The following TLCD3A variants were observed in gnomAD, a reference collection of about 807,000 sequenced individuals.
The protein encoded by TLCD3A is TLC domain-containing protein 3A.
In TLCD3A, 17 loss-of-function variants were observed where a neutral mutation model predicts 29.9. The ratio of observed to expected loss-of-function variants is 0.57; its 90% CI spans 0.39 to 0.85. TLCD3A has a LOEUF of 0.85. Ranked by LOEUF, TLCD3A falls within the 40% of genes least tolerant of loss-of-function variation. The pLI is 0.00. For missense variants in TLCD3A, 332 were observed against 350.8 expected (o/e 0.95, Z 0.43); for synonymous variants, 143 against 147.7 (o/e 0.97, Z 0.23).
intron 2 of TLCD3A, among the ~76,000 whole-genome samples, chr17:733,693 C>T (rs1235336641): frequency 6.6e-6 from 1 of 152,208 alleles, no homozygotes; most frequent in African/African-American, 2.4e-5. Context: ...AGTCCAGAGG[C>T]AGGTCAGGAA....
intron 2 of TLCD3A, among the ~76,000 whole-genome samples, chr17:737,513 G>A (rs1244691284): frequency 2.0e-5 from 3 of 151,948 alleles, no homozygotes; most frequent in South Asian, 2.1e-4. Context: ...TGGTGGGGCC[G>A]TTGAATCATT....
At position 742,014 on chromosome 17, in the gene TLCD3A, A is replaced by G. The variant is rs1216473120; in HGVS notation, c.*444A>G. 4.9e-6 allele frequency: 1 copy of G among 203,398 alleles called. No homozygotes were observed. Among genetic ancestry groups the G allele is most frequent in the Non-Finnish European group, 1.0e-5 (1 of 99,242 alleles). The allele number at this position is 203,398 out of a possible 1,614,324, so 12.6% of individuals were successfully genotyped here. ...AGGGATGACTTGGTTCTTGGAAGTA[A>G]TGTCGTCTTGTGACATTGGCCTGGG... On this transcript the variant is annotated 3_prime_UTR_variant, in exon 5 of 5. Transcript: ENST00000308278.
At position 732,792 on chromosome 17, in the gene TLCD3A, C is replaced by G. The variant is rs746053148; in HGVS notation, c.122+23C>G. ...CAGGTACCGGCGCCGCCGAGACGCC[C>G]CCCGAGGCCCGGGGCGCTGCCCACC... On this transcript the variant is annotated intron_variant, in intron 1 of 4. Transcript: ENST00000308278. The G allele has an allele frequency of 5.7e-4, 825 of 1,440,622 alleles. 5 individuals carry two copies. The highest frequency in any genetic ancestry group is 1.2e-4 in the Non-Finnish European group (132 of 1,098,370). The allele number at this position is 1,440,622 out of a possible 1,614,324, so 89.2% of individuals were successfully genotyped here.
intron 3 of TLCD3A, among the ~76,000 whole-genome samples, chr17:739,983 T>C (rs1316577739): frequency 1.3e-5 from 2 of 152,126 alleles, no homozygotes; most frequent in Admixed American, 1.3e-4. Flanking sequence ...GAGGCAGAGG[T>C]TGCAGTGAGC....
Position 741,330 on chromosome 17 carries a change from G to C in TLCD3A, c.534G>C (p.Lys178Asn), listed in dbSNP as rs1310230624. ...AGCAGCAGCACACCCTTCTGTACAA[G>C]GTGAATGGAATCCTCACGCTGGCCA... ...QLKQQHTLLY[K>N]VNGILTLATF... Residue 178 changes from lysine (K) to asparagine (N), a missense_variant, in exon 5 of 5, where the codon AAG (lysine) becomes AAC (asparagine). Lys to Asn is a moderately conservative substitution (Grantham distance 94). Coordinates refer to ENST00000308278, the MANE Select transcript of TLCD3A (RefSeq NM_024792.3). 1 of 1,614,180 alleles carries C rather than the reference G, an allele frequency of 6.2e-7. No homozygotes were observed.
chr17:740,723 G>C, intron 4 of TLCD3A, 123 bp downstream of exon 4: 1 of 1,020,854 alleles, frequency 9.8e-7, no homozygotes, highest in Non-Finnish European at 1.5e-6. Flanking sequence ...GAGAGTGAAG[G>C]TTCTGATTCA....
chr17:741,402 C>A lies in TLCD3A; in HGVS notation c.606C>A (p.Ser202=). 2 of 1,614,230 alleles carry A rather than the reference C, an allele frequency of 1.2e-6. No homozygotes were observed. Among genetic ancestry groups the A allele is most frequent in the South Asian group, 2.2e-5 (2 of 91,090 alleles). The change falls in exon 5 of 5, where the codon TCC becomes TCA. Residue 202 remains serine, a synonymous_variant. Coordinates refer to ENST00000308278, the MANE Select transcript of TLCD3A (RefSeq NM_024792.3). Reference sequence around the variant, plus strand: ...TTCTCTTCCCCTTCATGTACTGGTCCTATGGCCGCCAGCAGGGACTAAGCC... The same window carrying A: ...TTCTCTTCCCCTTCATGTACTGGTCATATGGCCGCCAGCAGGGACTAAGCC... ...RILLFPFMYW[S]YGRQQGLSLL...
chr17:738,725 A>G (rs941358966), intron 3 of TLCD3A, among the ~76,000 whole-genome samples: 2 of 152,102 alleles, frequency 1.3e-5, no homozygotes, highest in Non-Finnish European at 2.9e-5. Context: ...GGCACACACT[A>G]CAACGTCCAG....
chr17:732,872 G>C (rs1367434274), intron 1 of TLCD3A, 103 bp downstream of exon 1: 2 of 1,368,774 alleles, frequency 1.5e-6, no homozygotes, highest in African/African-American at 1.5e-5. Context: ...CAGGAAGCCC[G>C]GGGGCTGCTC....
chr17:736,638 G>A (rs1974158104), intron 2 of TLCD3A, among the ~76,000 whole-genome samples: 1 of 152,138 alleles, frequency 6.6e-6, no homozygotes, highest in South Asian at 2.1e-4. Flanking sequence ...CTCATTTCCA[G>A]ACCTGCTTTT....
In TLCD3A at chr17:740,574, G is replaced by C. The variant is rs765653431; in HGVS notation, c.478G>C (p.Val160Leu). 300 of 1,613,910 alleles carry C rather than the reference G, an allele frequency of 1.9e-4. No individual in the cohort carries two copies. The highest frequency in any genetic ancestry group is 2.5e-4 in the Non-Finnish European group (290 of 1,179,964). ...IFTAELSTPFVSLGRVLIQLK... is the reference protein window; with the variant it reads ...IFTAELSTPFLSLGRVLIQLK... ...CACGGCAGAACTGAGCACTCCGTTT[G>C]TGTCGCTGGGCAGGGTTCTGATTCA... Residue 160 changes from valine to leucine, a missense_variant, in exon 4 of 5, where the codon GTG becomes CTG. By Grantham distance (32) the Val-to-Leu change is conservative. Coordinates refer to ENST00000308278, the MANE Select transcript of TLCD3A (RefSeq NM_024792.3).
intron 1 of TLCD3A, 108 bp downstream of exon 1, chr17:732,877 C>T: frequency 7.3e-7 from 1 of 1,376,124 alleles, no homozygotes. Context: ...AGCCCGGGGG[C>T]TGCTCCCTCC....
At chr17:740,761 G>T (rs1195766995) in intron 4 of TLCD3A, among the ~76,000 whole-genome samples, 161 bp downstream of exon 4, 4 of 152,222 alleles carry the variant, frequency 2.6e-5, no homozygotes, top group Non-Finnish European at 5.9e-5. Context: ...GGCAGAGAGA[G>T]TGAGGGTTCT....
chr17:740,053 T>C (rs908907817), intron 3 of TLCD3A, among the ~76,000 whole-genome samples: 1 of 151,992 alleles, frequency 6.6e-6, no homozygotes, highest in African/African-American at 2.4e-5. Flanking sequence ...TCTCAAAAAA[T>C]AAAAATAAAA....
chr17:737,711 C>T, intron 2 of TLCD3A, 135 bp from the exon 3 acceptor site: 1 of 884,776 alleles, frequency 1.1e-6, no homozygotes, highest in Non-Finnish European at 1.8e-6. Flanking sequence ...TCTACTCTCC[C>T]TGTTTATCAG....
At chr17:736,178 T>C (rs1974151577) in intron 2 of TLCD3A, among the ~76,000 whole-genome samples, 1 of 152,154 alleles carries the variant, frequency 6.6e-6, no homozygotes, top group Non-Finnish European at 1.5e-5. Flanking sequence ...GCGGACTGGC[T>C]GCGTCCGAAA....
At chr17:739,109 A>G (rs1974208592) in intron 3 of TLCD3A, among the ~76,000 whole-genome samples, 1 of 152,112 alleles carries the variant, frequency 6.6e-6, no homozygotes, top group South Asian at 2.1e-4. Context: ...CCAACAAAGA[A>G]AAGCAATGGG....
chr17:741,469 G>T lies in TLCD3A; in HGVS notation c.673G>T (p.Ala225Ser), dbSNP rs756811335. ...CAGCATCCCATTCTACTGCAACGTG[G>T]CCAATGCCTTCCTCGTAGCTCCTCA... ...PFSIPFYCNV[A>S]NAFLVAPQIY... is the part of the protein sequence containing the mutation. The change falls in exon 5 of 5, where the codon GCC becomes TCC. Residue 225 changes from alanine (A) to serine (S), a missense_variant. By Grantham distance (99) the Ala-to-Ser change is moderately conservative. Transcript: ENST00000308278. 7 of 1,614,072 alleles carry T rather than the reference G, an allele frequency of 4.3e-6. No homozygotes were observed. The highest frequency in any genetic ancestry group is 1.3e-5 in the African/African-American group (1 of 74,918).
chr17:738,332 G>A (rs549968091), intron 3 of TLCD3A, among the ~76,000 whole-genome samples: 1 of 152,090 alleles, frequency 6.6e-6, no homozygotes, highest in Non-Finnish European at 1.5e-5. Context: ...CTGAACTCAA[G>A]TGATCCGCCC....
Sources: allele counts gnomAD v4.1 joint callset (sites outside exome capture counted in the v4.1 genomes callset), GRCh38; gene constraint gnomAD v4.1.1; transcripts MANE v1.5; gene names NCBI Gene and HGNC (gene_info 2026-07-23, HGNC 2026-07-21).